C12orf57: variants seen among roughly 807,000 people sequenced by gnomAD.
The protein encoded by C12orf57 is protein C10.
A neutral mutation model predicts 11.3 loss-of-function variants in C12orf57; 14 were observed. The ratio of observed to expected loss-of-function variants is 1.24; its 90% CI spans 0.82 to 1.94. The LOEUF is 1.94. Ranked by LOEUF, C12orf57 falls within the 30% of genes most tolerant of loss-of-function variation. C12orf57 has a pLI of 0.00. For missense variants in C12orf57, 229 were observed against 172.4 expected (o/e 1.33, Z -1.84); for synonymous variants, 100 against 74.6 (o/e 1.34, Z -1.76).
rs782281435 is a variant in C12orf57, at chr12:6,944,086, A to G, written c.-36A>G. ...GTGGCTCTTTATTCGTGAGTTTTCCATTTACCTCCGCTGAACCTAGAGCTT... is the reference window on the plus strand; with the variant it reads ...GTGGCTCTTTATTCGTGAGTTTTCCGTTTACCTCCGCTGAACCTAGAGCTT... On this transcript the variant is annotated 5_prime_UTR_variant, in exon 1 of 3. Transcript: ENST00000229281. 69 of 1,613,964 alleles carry G rather than the reference A, an allele frequency of 4.3e-5. No homozygotes were observed. The highest frequency in any genetic ancestry group is 1.1e-4 in the South Asian group (10 of 91,084).
chr12:6,944,698 T>G, intron 2 of C12orf57, 46 bp downstream of exon 2: 2 of 1,600,474 alleles, frequency 1.2e-6, no homozygotes, highest in Non-Finnish European at 1.7e-6. Flanking sequence ...AAGGCGGGAG[T>G]TGGGTCGGGA....
At position 6,944,183 on chromosome 12, in the gene C12orf57, G is replaced by A. The variant is rs782548692; in HGVS notation, c.52+10G>A. ...GCTGAGCAAGCAAAGGGTGAGAATCGTCCTAGTCAAGGCATAGGCTGCTGG... is the reference window on the plus strand; with the variant it reads ...GCTGAGCAAGCAAAGGGTGAGAATCATCCTAGTCAAGGCATAGGCTGCTGG... On this transcript the variant is annotated intron_variant, in intron 1 of 2. Coordinates refer to ENST00000229281, the MANE Select transcript of C12orf57 (RefSeq NM_138425.4). The A allele has an allele frequency of 2.5e-6, 4 of 1,614,212 alleles. No individual in the cohort carries two copies. In the Middle Eastern group the frequency reaches 4.9e-4, roughly 200 times the overall value.
At chr12:6,944,003 G>A (rs782482974), upstream of C12orf57, 46 of 1,594,854 alleles carry the variant, frequency 2.9e-5, no homozygotes, top group Admixed American at 1.9e-4. Flanking sequence ...GGCGCTTCCG[G>A]CTGCGCCGGA....
chr12:6,943,817 AGT>A, upstream of C12orf57: 10 of 839,078 alleles, frequency 1.2e-5, no homozygotes, highest in South Asian at 1.8e-5. Flanking sequence ...CATACGCAGC[AGT>A]GTTACAGCTC....
upstream of C12orf57, chr12:6,943,874 C>A (rs187552855): frequency 4.1e-6 from 4 of 967,290 alleles, no homozygotes; most frequent in Admixed American, 6.1e-5. Context: ...TACCGGAAAG[C>A]CCCTCTTATG....
At chr12:6,944,020 T>A (rs1308987174), upstream of C12orf57, 1 of 1,606,710 alleles carries the variant, frequency 6.2e-7, no homozygotes. Flanking sequence ...CGGATGCTGT[T>A]TCCTTTCCGC....
In C12orf57 at chr12:6,944,034, CA is replaced by C; in HGVS notation, c.-87del. 1.2e-6 allele frequency: 2 copies of C among 1,610,140 alleles called. No homozygotes were observed. The highest frequency in any genetic ancestry group is 1.7e-6 in the Non-Finnish European group (2 of 1,179,546). On this transcript the variant is annotated 5_prime_UTR_variant, in exon 1 of 3. Coordinates refer to ENST00000229281, the MANE Select transcript of C12orf57 (RefSeq NM_138425.4). ...CCGGATGCTGTTTCCTTTCCGCTCC[CA>C]GGGGCGTTGGGAACGGTTGTAGGAC...
At position 6,944,582 on chromosome 12, in the gene C12orf57, C is replaced by T; in HGVS notation, c.159C>T (p.Phe53=). 6.2e-7 allele frequency: 1 copy of T among 1,614,156 alleles called. No homozygotes were observed. Among genetic ancestry groups the T allele is most frequent in the Non-Finnish European group, 8.5e-7 (1 of 1,180,034 alleles). ...ACNDMGKMLQ[F]VLPVATQIQQ... ...ACGACATGGGTAAGATGCTGCAATTCGTGCTGCCCGTGGCCACGCAGATCC... is the reference window on the plus strand; with the variant it reads ...ACGACATGGGTAAGATGCTGCAATTTGTGCTGCCCGTGGCCACGCAGATCC... Residue 53 remains phenylalanine (F), a synonymous_variant, in exon 2 of 3, where the codon TTC becomes TTT. Transcript: ENST00000229281.
Position 6,945,846 on chromosome 12 carries a change from T to C in C12orf57, c.305T>C (p.Leu102Pro). The C allele has an allele frequency of 6.2e-7, 1 of 1,613,902 alleles. No homozygotes were observed. Among genetic ancestry groups the C allele is most frequent in the Non-Finnish European group, 8.5e-7 (1 of 1,179,952 alleles). Residue 102 changes from leucine (L) to proline (P), a missense_variant, in exon 3 of 3, where the codon CTG becomes CCG. Coordinates refer to ENST00000229281, the MANE Select transcript of C12orf57 (RefSeq NM_138425.4). ...GAGATCGCCAGCCTGTCAGGCAAGC[T>C]GAAGGCGCTGTTTCTGCCGCCCATG... ...DPEIASLSGK[L>P]KALFLPPMTL...
rs368241854 is a variant in C12orf57, at chr12:6,944,129, C to A, written c.8C>A (p.Ser3Tyr). The A allele has an allele frequency of 6.2e-7, 1 of 1,614,252 alleles. No homozygotes were observed. The highest frequency in any genetic ancestry group is 8.5e-7 in the Non-Finnish European group (1 of 1,180,040). The change falls in exon 1 of 3, where the codon TCC becomes TAC. Residue 3 changes from serine to tyrosine, a missense_variant. Physicochemically the swap from Ser to Tyr is moderately radical, Grantham distance 144 (BLOSUM62 -2). Transcript: ENST00000229281. Reference sequence around the variant, plus strand: ...TAGAGCTTCAGACGCCCTATGGCGTCCGCCTCGACCCAACCGGCGGCCTTG... The same window carrying A: ...TAGAGCTTCAGACGCCCTATGGCGTACGCCTCGACCCAACCGGCGGCCTTG... MA[S>Y]ASTQPAALSA...
upstream of C12orf57, chr12:6,943,445 T>A (rs1249180047): frequency 8.6e-7 from 1 of 1,157,772 alleles, no homozygotes; most frequent in African/African-American, 1.6e-5. Flanking sequence ...GGAAGGGAAA[T>A]CGGGCCGGGC....
In C12orf57 at chr12:6,944,473, C is replaced by T. The variant is rs191711101; in HGVS notation, c.53-3C>T. 1.3e-4 allele frequency: 205 copies of T among 1,611,438 alleles called. 1 individual carries two copies. In the Admixed American group the frequency reaches 1.9e-3, roughly 15 times the overall value. On this transcript the variant is annotated splice_polypyrimidine_tract_variant and splice_region_variant and intron_variant, in intron 1 of 2. Coordinates refer to ENST00000229281, the MANE Select transcript of C12orf57 (RefSeq NM_138425.4). The stretch of plus-strand genomic sequence containing the variant: ...GCCTCCCTGGGATGCTTCTGGCGCG[C>T]AGTGGTCCTCGCGGAGGTGATCCAG...
At position 6,944,591 on chromosome 12, in the gene C12orf57, C is replaced by T. The variant is rs143343192; in HGVS notation, c.168C>T (p.Pro56=). The T allele has an allele frequency of 6.2e-6, 10 of 1,614,154 alleles. No individual in the cohort carries two copies. The highest frequency in any genetic ancestry group is 2.2e-5 in the South Asian group (2 of 91,090). The change falls in exon 2 of 3, where the codon CCC becomes CCT. Residue 56 remains proline, a synonymous_variant. Transcript: ENST00000229281. ...DMGKMLQFVL[P]VATQIQQEVI... ...GTAAGATGCTGCAATTCGTGCTGCC[C>T]GTGGCCACGCAGATCCAGCAGGAGG...
chr12:6,943,599 G>A (rs182177984), upstream of C12orf57: 6 of 1,289,760 alleles, frequency 4.7e-6, no homozygotes, highest in South Asian at 1.2e-5. Context: ...CAACCAATCA[G>A]CACCGAACTC....
upstream of C12orf57, chr12:6,943,902 T>TA (rs1318426108): frequency 1.8e-6 from 2 of 1,122,780 alleles, no homozygotes; most frequent in Middle Eastern, 2.9e-4. Flanking sequence ...TTGCCAATGA[T>TA]AGATTGTTTT....
chr12:6,944,735 A>G (rs782708704), intron 2 of C12orf57, 83 bp downstream of exon 2: 3 of 1,588,280 alleles, frequency 1.9e-6, no homozygotes, highest in East Asian at 2.3e-5. Context: ...TGGGCCCATG[A>G]GCGGTTGTCC....
chr12:6,944,320 C>T (rs1340976706), intron 1 of C12orf57, 147 bp downstream of exon 1: 7 of 1,572,664 alleles, frequency 4.5e-6, no homozygotes, highest in African/African-American at 1.4e-5. Context: ...ACGCCGGGTA[C>T]CGTCCTTCTA....
upstream of C12orf57, chr12:6,943,954 A>G (rs183856284): frequency 5.6e-4 from 839 of 1,494,326 alleles, 2 homozygotes; most frequent in African/African-American, 4.8e-3. Context: ...GTCTTGATGC[A>G]GTTGTAAGCT....
chr12:6,945,642 T>C (rs1945785587), intron 2 of C12orf57, 129 bp from the exon 3 acceptor site: 1 of 927,512 alleles, frequency 1.1e-6, no homozygotes, highest in Non-Finnish European at 1.7e-6. Context: ...GAGGCCTGCA[T>C]GCGTCCTGTT....
Sources: allele counts gnomAD v4.1 joint callset, GRCh38; gene constraint gnomAD v4.1.1; transcripts MANE v1.5; gene names NCBI Gene and HGNC (gene_info 2026-07-23, HGNC 2026-07-21).